The following PDCD11 variants were observed in gnomAD, a reference collection of about 807,000 sequenced individuals.
PDCD11 encodes the protein protein RRP5 homolog.
A neutral mutation model predicts 198.9 loss-of-function variants in PDCD11; 97 were observed. That is an observed-to-expected ratio of 0.49 (90% confidence interval 0.41 to 0.58). The LOEUF is 0.58. Among genes scored for constraint, PDCD11 ranks in the 20% least tolerant of loss-of-function variants. The probability of loss-of-function intolerance (pLI) is 0.00; values close to 1 mark genes in which losing one functional copy is unlikely to be tolerated. For synonymous variants in PDCD11, 893 were observed against 918.0 expected, an observed-to-expected ratio of 0.97 and a Z score of 0.49; for missense variants, 2,102 against 2,312.7, an observed-to-expected ratio of 0.91 and a Z score of 1.87.
At chr10:103,408,365 G>C (rs1378921503) in intron 7 of PDCD11, among the ~76,000 whole-genome samples, 3 of 151,938 alleles carry the variant, frequency 2.0e-5, no homozygotes, top group Admixed American at 6.6e-5. Context: ...TCGTTTTAGT[G>C]TGGTACATTA....
At chr10:103,416,368 A>G (rs747021472) in intron 12 of PDCD11, 123 bp from the exon 13 acceptor site, 7 of 893,944 alleles carry the variant, frequency 7.8e-6, no homozygotes, top group Non-Finnish European at 1.2e-5. Context: ...TGATTAGAGG[A>G]AAAGCTATAG....
Position 103,418,613 on chromosome 10 carries a change from G to A in PDCD11, c.2085G>A (p.Leu695=), listed in dbSNP as rs1056794729. Residue 695 remains leucine (L), a synonymous_variant, in exon 15 of 36, where the codon CTG becomes CTA. Transcript: ENST00000369797. ...AGDILHRVLC[L]SQSEGRVLLC... is the part of the protein sequence containing the mutation. ...ACATCCTTCACCGAGTCCTGTGTCT[G>A]AGCCAGAGCGAGGGGCGTGTTGTAT... is the stretch of plus-strand genomic sequence containing the variant. 1 of 1,614,098 alleles carries A rather than the reference G, an allele frequency of 6.2e-7. No individual in the cohort carries two copies. The highest frequency in any genetic ancestry group is 1.3e-5 in the African/African-American group (1 of 75,046).
In PDCD11 at chr10:103,405,169, C is replaced by G; in HGVS notation, c.550C>G (p.Leu184Val). ...CAACAGAGTGCTGAGTGCTGAGGCC[C>G]TGAAGCCTGGCATGGTAGGTGTCTA... ...NVNRVLSAEA[L>V]KPGMLLTGTV... The change falls in exon 5 of 36, where the codon CTG (leucine) becomes GTG (valine). Residue 184 changes from leucine to valine, a missense_variant. Physicochemically the swap from Leu to Val is conservative, Grantham distance 32. Transcript: ENST00000369797. The G allele has an allele frequency of 6.2e-7, 1 of 1,613,460 alleles. No homozygotes were observed. Among genetic ancestry groups the G allele is most frequent in the South Asian group, 1.1e-5 (1 of 91,030 alleles).
chr10:103,424,790 A>G (rs1293662793), intron 19 of PDCD11, among the ~76,000 whole-genome samples, 194 bp from the exon 20 acceptor site: 1 of 152,178 alleles, frequency 6.6e-6, no homozygotes, highest in Non-Finnish European at 1.5e-5. Context: ...AGGCAGCCCC[A>G]TGAGTTTAGT....
chr10:103,422,813 T>C (rs978113134), intron 17 of PDCD11, among the ~76,000 whole-genome samples, 175 bp from the exon 18 acceptor site: 1 of 152,164 alleles, frequency 6.6e-6, no homozygotes, highest in African/African-American at 2.4e-5. Flanking sequence ...CTTAGGTCTG[T>C]CTGCTTGTGA....
rs757174233 is a variant in PDCD11, at chr10:103,440,345, A to C, written c.4204A>C (p.Lys1402Gln). The C allele has an allele frequency of 1.2e-6, 2 of 1,614,236 alleles. No homozygotes were observed. Among genetic ancestry groups the C allele is most frequent in the Non-Finnish European group, 8.5e-7 (1 of 1,180,042 alleles). The change falls in exon 29 of 36, where the codon AAG (lysine) becomes CAG (glutamine). Residue 1402 changes from lysine to glutamine, a missense_variant. Physicochemically the swap from Lys to Gln is moderately conservative, Grantham distance 53. Transcript: ENST00000369797. ...GTCTTTCCTCCCCGGAGACACTGGG[A>C]AGCCAGACGTGCTTTCTGCTTCCTT... ...ELSFLPGDTG[K>Q]PDVLSASLEG... is the part of the protein sequence containing the mutation.
chr10:103,443,713 A>G (rs1201694220), intron 33 of PDCD11, among the ~76,000 whole-genome samples: 2 of 152,138 alleles, frequency 1.3e-5, no homozygotes, highest in African/African-American at 2.4e-5. Context: ...TCAGCAGGGA[A>G]TCCCCTCCGT....
chr10:103,404,622 G>A (rs1241761068), intron 4 of PDCD11, among the ~76,000 whole-genome samples: 2 of 152,234 alleles, frequency 1.3e-5, no homozygotes, highest in Non-Finnish European at 2.9e-5. Flanking sequence ...TAATGGTCAT[G>A]TAAGAGATAG....
intron 8 of PDCD11, among the ~76,000 whole-genome samples, chr10:103,411,488 C>T (rs1258555572): frequency 2.0e-5 from 3 of 152,084 alleles, no homozygotes; most frequent in African/African-American, 7.2e-5. Context: ...ACCTCAGCCT[C>T]CTGAGTAGCT....
Position 103,415,158 on chromosome 10 carries a change from C to T in PDCD11, c.1518+7C>T, listed in dbSNP as rs1400470146. On this transcript the variant is annotated splice_region_variant and intron_variant, in intron 12 of 35. Coordinates refer to ENST00000369797, the MANE Select transcript of PDCD11 (RefSeq NM_014976.2). The stretch of plus-strand genomic sequence containing the variant: ...GGATGAGGTCAAGTGCCGGGTGAGC[C>T]TCCTGAAGGGTCTCTTGGGGTTTTG... 2 of 1,613,380 alleles carry T rather than the reference C, an allele frequency of 1.2e-6. No individual in the cohort carries two copies. The highest frequency in any genetic ancestry group is 2.7e-5 in the African/African-American group (2 of 74,888).
In PDCD11 at chr10:103,432,179, TGGA is replaced by T. The variant is rs1564773597; in HGVS notation, c.3421_3423del (p.Glu1141del). ...CTTAACACTCACTCTGTTAGCCCCA[TGGA>T]GAAGATTAAACAGTACCAGGCCGGC... On this transcript the variant is annotated inframe_deletion, in exon 22 of 36. Coordinates refer to ENST00000369797, the MANE Select transcript of PDCD11 (RefSeq NM_014976.2). 1 of 1,614,080 alleles carries T rather than the reference TGGA, an allele frequency of 6.2e-7. No individual in the cohort carries two copies. Among genetic ancestry groups the T allele is most frequent in the Non-Finnish European group, 8.5e-7 (1 of 1,179,942 alleles).
intron 5 of PDCD11, 65 bp from the exon 6 acceptor site, chr10:103,405,920 G>T: frequency 6.4e-7 from 1 of 1,559,352 alleles, no homozygotes. Flanking sequence ...ATTCAAGTTT[G>T]GATGTTTTGT....
intron 21 of PDCD11, among the ~76,000 whole-genome samples, chr10:103,430,332 G>A (rs1186669166): frequency 2.0e-5 from 3 of 152,254 alleles, no homozygotes; most frequent in Middle Eastern, 6.8e-3. Flanking sequence ...TCCATTATAG[G>A]TATATGCCAC....
intron 34 of PDCD11, 31 bp from the exon 35 acceptor site, chr10:103,444,486 G>A (rs754400813): frequency 2.5e-6 from 4 of 1,608,772 alleles, no homozygotes; most frequent in Non-Finnish European, 3.4e-6. Flanking sequence ...CTGTCTGCTT[G>A]TTGGGTCTCT....
Position 103,419,556 on chromosome 10 carries a change from G to A in PDCD11, c.2125G>A (p.Ala709Thr), listed in dbSNP as rs1328837697. The A allele has an allele frequency of 6.2e-7, 1 of 1,613,756 alleles. No homozygotes were observed. The highest frequency in any genetic ancestry group is 1.1e-5 in the South Asian group (1 of 91,002). ...CCACTAGCTTCTTTGCAGGAAGCCA[G>A]CCTTGGTCTCCACAGTAGAAGGTGG... ...EGRVLLCRKP[A>T]LVSTVEGGQD... Residue 709 changes from alanine to threonine, a missense_variant, in exon 16 of 36, where the codon GCC becomes ACC. Ala to Thr is a moderately conservative substitution (Grantham distance 58). Coordinates refer to ENST00000369797, the MANE Select transcript of PDCD11 (RefSeq NM_014976.2).
intron 21 of PDCD11, among the ~76,000 whole-genome samples, chr10:103,430,886 C>T (rs540973237): frequency 2.6e-4 from 39 of 152,078 alleles, no homozygotes; most frequent in Admixed American, 2.3e-3. Context: ...GCAACCTCTA[C>T]CTCCTGGGTT....
intron 26 of PDCD11, among the ~76,000 whole-genome samples, chr10:103,438,397 G>T (rs2032240511): frequency 1.3e-5 from 2 of 152,272 alleles, no homozygotes; most frequent in South Asian, 4.1e-4. Context: ...GTTGGCTTGA[G>T]GTCAGCTTGC....
chr10:103,420,987 T>C (rs1044805657), intron 16 of PDCD11, among the ~76,000 whole-genome samples: 1 of 151,838 alleles, frequency 6.6e-6, no homozygotes. Context: ...GTGATTCTCC[T>C]GCCCCAGCCT....
At position 103,413,192 on chromosome 10, in the gene PDCD11, C is replaced by T; in HGVS notation, c.1055C>T (p.Pro352Leu). The change falls in exon 9 of 36, where the codon CCT becomes CTT. Residue 352 changes from proline (P) to leucine (L), a missense_variant. Pro to Leu is a moderately conservative substitution (Grantham distance 98). Transcript: ENST00000369797. Reference protein sequence around the residue: ...HLSLRPIFLQPGRPLTRLSCQ... With the variant: ...HLSLRPIFLQLGRPLTRLSCQ... ...AGCCTGCGCCCCATCTTCCTACAGC[C>T]TGGACGCCCACTCACCCGACTCTCT... 1 of 1,614,182 alleles carries T rather than the reference C, an allele frequency of 6.2e-7. No homozygotes were observed. Among genetic ancestry groups the T allele is most frequent in the Non-Finnish European group, 8.5e-7 (1 of 1,180,010 alleles).
Sources: allele counts gnomAD v4.1 joint callset (sites outside exome capture counted in the v4.1 genomes callset), GRCh38; gene constraint gnomAD v4.1.1; transcripts MANE v1.5; gene names NCBI Gene and HGNC (gene_info 2026-07-23, HGNC 2026-07-21).